Variants in ZNF582 observed in about 807,000 individuals in gnomAD.
ZNF582 encodes the protein zinc finger protein 582.
A neutral mutation model predicts 12.3 loss-of-function variants in ZNF582; 14 were observed. That is an observed-to-expected ratio of 1.14 (90% CI 0.75 to 1.78). ZNF582 has a LOEUF of 1.78. Among genes scored for constraint, ZNF582 ranks in the 40% most tolerant of loss-of-function variants. ZNF582 has a pLI of 0.00. For synonymous variants in ZNF582, 210 were observed against 207.2 expected, an observed-to-expected ratio of 1.01 and a Z score of -0.11; for missense variants, 567 against 616.5, an observed-to-expected ratio of 0.92 and a Z score of 0.85.
At chr19:56,384,486 A>G in exon 5 of ZNF582, 1 of 1,608,008 alleles carries the variant, frequency 6.2e-7, no homozygotes, top group Non-Finnish European at 8.5e-7. Context: ...TTGCATGCAT[A>G]GGGTTTTTCA....
At chr19:56,386,042 A>G (rs1369143152) in intron 4 of ZNF582, among the ~76,000 whole-genome samples, 2 of 152,264 alleles carry the variant, frequency 1.3e-5, no homozygotes, top group Non-Finnish European at 2.9e-5. Flanking sequence ...ATGGTTGTAC[A>G]ACAGTGTGAA....
At chr19:56,390,797 C>T (rs552283115) in intron 2 of ZNF582, among the ~76,000 whole-genome samples, 1 of 152,260 alleles carries the variant, frequency 6.6e-6, no homozygotes, top group African/African-American at 2.4e-5. Context: ...AGCACACTGC[C>T]CACTCTATAC....
chr19:56,384,463 T>G (rs1204981412), exon 5 of ZNF582: 3 of 1,601,042 alleles, frequency 1.9e-6, no homozygotes, highest in African/African-American at 2.7e-5. Context: ...GACTAAAGGT[T>G]TTCCCACATT....
chr19:56,385,860 G>A (rs1340764913), intron 4 of ZNF582, among the ~76,000 whole-genome samples: 4 of 152,118 alleles, frequency 2.6e-5, no homozygotes, highest in African/African-American at 4.8e-5. Flanking sequence ...GGAAATGTTC[G>A]CTATCTTGAT....
At chr19:56,390,227 G>C in intron 3 of ZNF582, 131 bp from the exon 4 acceptor site, 1 of 1,357,594 alleles carries the variant, frequency 7.4e-7, no homozygotes, top group Non-Finnish European at 1.0e-6. Flanking sequence ...TTGCCTGGGG[G>C]TAGGGGGATG....
At chr19:56,385,169 T>A in exon 5 of ZNF582, 1 of 1,597,032 alleles carries the variant, frequency 6.3e-7, no homozygotes, top group Non-Finnish European at 8.5e-7. Flanking sequence ...CTTGGTATCA[T>A]ATCTGGACTC....
rs532932700 is a variant in ZNF582, at chr19:56,387,854, G to A, written c.232+2147C>T. Among the ~76,000 whole-genome samples, 6 of 152,250 alleles carry A rather than the reference G, an allele frequency of 3.9e-5. No homozygotes were observed. In the South Asian group the frequency reaches 1.0e-3, roughly 26 times the overall value. On this transcript the variant is annotated intron_variant, in intron 4 of 4. Transcript: ENST00000586929. Reference sequence around the variant, plus strand: ...TTTCTATCACATCCTTATGTTCTTCGACAGATTGACTTTTATGCTTCTCCT... The same window carrying A: ...TTTCTATCACATCCTTATGTTCTTCAACAGATTGACTTTTATGCTTCTCCT...
intron 4 of ZNF582, chr19:56,386,351 T>C (rs918340609): frequency 1.3e-5 from 2 of 152,250 alleles, no homozygotes; most frequent in African/African-American, 4.8e-5. Flanking sequence ...TATCTGAAGT[T>C]TAGTTGAACG....
intron 1 of ZNF582, 65 bp from the exon 2 acceptor site, chr19:56,391,897 A>G (rs1255095065): frequency 7.1e-6 from 10 of 1,406,476 alleles, no homozygotes; most frequent in Non-Finnish European, 4.0e-6. Context: ...ATGCCAAGTT[A>G]CAAGTCCCCA....
rs1486952039 is a variant in ZNF582, at chr19:56,384,467, C to T, written c.950G>A (p.Gly317Glu). 1.9e-6 allele frequency: 3 copies of T among 1,602,348 alleles called. No homozygotes were observed. The African/African-American group carries it at 4.0e-5, about 22-fold the overall frequency. The change falls in exon 5 of 5, where the codon GGG becomes GAG. Residue 317 changes from glycine (G) to glutamate (E), a missense_variant. Gly to Glu is a moderately conservative substitution (Grantham distance 98, BLOSUM62 -2). Coordinates refer to ENST00000586929, the Ensembl canonical transcript of ZNF582. ...CTGAGAACGATGACTAAAGGTTTTC[C>T]CACATTCCTTGCATGCATAGGGTTT...
chr19:56,387,322 C>G (rs939124692), intron 4 of ZNF582: 1 of 152,218 alleles, frequency 6.6e-6, no homozygotes, highest in Admixed American at 6.5e-5. Context: ...GATCTATTCA[C>G]TGTAGTGATC....
chr19:56,385,296 T>C, intron 4 of ZNF582, 112 bp from the exon 5 acceptor site: 1 of 1,092,046 alleles, frequency 9.2e-7, no homozygotes, highest in South Asian at 1.7e-5. Flanking sequence ...TGAATGTAGC[T>C]AAGCAATTAT....
chr19:56,388,612 C>A (rs1006021099), intron 4 of ZNF582, among the ~76,000 whole-genome samples: 7 of 152,060 alleles, frequency 4.6e-5, no homozygotes, highest in Admixed American at 4.6e-4. Context: ...AACTTCATAA[C>A]GTGGTTGCCT....
chr19:56,390,984 T>G (rs2042009894), intron 2 of ZNF582, among the ~76,000 whole-genome samples: 1 of 152,228 alleles, frequency 6.6e-6, no homozygotes, highest in African/African-American at 2.4e-5. Context: ...TTCTTGGAGA[T>G]GAAAGTTCAT....
At chr19:56,391,465 A>G (rs2042013315) in intron 2 of ZNF582, among the ~76,000 whole-genome samples, 1 of 152,178 alleles carries the variant, frequency 6.6e-6, no homozygotes, top group East Asian at 1.9e-4. Flanking sequence ...CATTCATTCC[A>G]TCTCTTCAAA....
At chr19:56,383,150 T>C (rs2041931967) in exon 5 of ZNF582, 1 of 152,234 alleles carries the variant, frequency 6.6e-6, no homozygotes, top group African/African-American at 2.4e-5. Context: ...GAATTGGGTA[T>C]GGCTGCTGGG....
intron 4 of ZNF582, chr19:56,387,755 G>C (rs755932516): frequency 6.6e-6 from 1 of 152,248 alleles, no homozygotes; most frequent in East Asian, 1.9e-4. Flanking sequence ...GAGTTATTAC[G>C]CCTGGCTGCA....
rs1488385976 is a variant in ZNF582, at chr19:56,385,116, G to A, written c.301C>T (p.Gln101Ter). ...GTAAGGCTTTCCATTATCTCCCATT[G>A]GGGTGATTCGACTTCATAAACATGC... The change falls in exon 5 of 5, where the codon CAA becomes TAA. Residue 101 changes from glutamine to a stop codon, truncating the protein, a stop_gained. Transcript: ENST00000586929. LOFTEE classifies it low-confidence loss of function (END_TRUNC). 6.2e-7 allele frequency: 1 copy of A among 1,613,304 alleles called. No homozygotes were observed. The highest frequency in any genetic ancestry group is 1.7e-5 in the Admixed American group (1 of 59,980).
intron 4 of ZNF582, chr19:56,386,602 T>C (rs1372729921): frequency 6.6e-6 from 1 of 152,266 alleles, no homozygotes; most frequent in Non-Finnish European, 1.5e-5. Flanking sequence ...ACCTGGTACA[T>C]TATTTCAGCT....
Sources: gnomAD v4.1 joint callset for allele counts (sites outside exome capture counted in the v4.1 genomes callset) on GRCh38, gnomAD v4.1.1 for gene constraint, MANE v1.5 for transcripts, NCBI Gene and HGNC (gene_info 2026-07-23, HGNC 2026-07-21) for gene names.